Variants in SYT13 observed in about 807,000 individuals in gnomAD.
SYT13 encodes the protein synaptotagmin 13.
A neutral mutation model predicts 38.6 loss-of-function variants in SYT13; 21 were observed. The ratio of observed to expected loss-of-function variants is 0.54; its 90% confidence interval spans 0.39 to 0.78. SYT13 has a LOEUF of 0.78. Ranked by LOEUF, SYT13 falls within the 30% of genes least tolerant of loss-of-function variation. The pLI is 0.00. For synonymous variants in SYT13, 241 were observed against 237.6 expected (o/e 1.01, Z -0.13); for missense variants, 495 against 548.7 (o/e 0.90, Z 0.98).
At chr11:45,270,530 T>C (rs1854937156) in intron 1 of SYT13, among the ~76,000 whole-genome samples, 1 of 152,210 alleles carries the variant, frequency 6.6e-6, no homozygotes, top group African/African-American at 2.4e-5. Context: ...CAATATATTA[T>C]AAATAATAAA....
chr11:45,261,549 G>T (rs1854816047), intron 1 of SYT13, among the ~76,000 whole-genome samples: 1 of 151,800 alleles, frequency 6.6e-6, no homozygotes, highest in Non-Finnish European at 1.5e-5. Flanking sequence ...AGTGAGCTGA[G>T]ATCGCGCCAC....
intron 1 of SYT13, among the ~76,000 whole-genome samples, chr11:45,274,789 A>T (rs1230998393): frequency 2.6e-5 from 4 of 152,180 alleles, no homozygotes; most frequent in Non-Finnish European, 5.9e-5. Flanking sequence ...ATCCTGCCTC[A>T]ATAAACCTAC....
chr11:45,262,103 T>C (rs562783000), intron 1 of SYT13, among the ~76,000 whole-genome samples: 10 of 152,212 alleles, frequency 6.6e-5, no homozygotes, highest in Admixed American at 2.6e-4. Flanking sequence ...AAACAAAATG[T>C]GGTATATCTA....
intron 1 of SYT13, chr11:45,269,489 C>T: frequency 7.8e-7 from 1 of 1,287,182 alleles, no homozygotes; most frequent in Non-Finnish European, 1.0e-6. Flanking sequence ...CCTCTGTAAA[C>T]TTCATATGTA....
chr11:45,273,125 A>T (rs1195989806), intron 1 of SYT13, among the ~76,000 whole-genome samples: 6 of 152,172 alleles, frequency 3.9e-5, no homozygotes, highest in African/African-American at 7.2e-5. Flanking sequence ...TTACAAATGT[A>T]TGGAGGGTTA....
chr11:45,284,155 C>A (rs780277772), intron 1 of SYT13, among the ~76,000 whole-genome samples: 1 of 152,192 alleles, frequency 6.6e-6, no homozygotes, highest in Admixed American at 6.5e-5. Context: ...GCCAAGACTG[C>A]TGATGAAGAA....
chr11:45,284,554 C>T (rs1482209538), intron 1 of SYT13, among the ~76,000 whole-genome samples: 1 of 152,046 alleles, frequency 6.6e-6, no homozygotes, highest in Non-Finnish European at 1.5e-5. Context: ...GATGATCAGC[C>T]GTTCTGTGGG....
chr11:45,269,858 C>T (rs1329695668), intron 1 of SYT13, among the ~76,000 whole-genome samples: 1 of 152,212 alleles, frequency 6.6e-6, no homozygotes, highest in Non-Finnish European at 1.5e-5. Context: ...GCAGGTGTCA[C>T]ATCATTAGAT....
chr11:45,265,037 C>A (rs1378758172), intron 1 of SYT13, among the ~76,000 whole-genome samples: 1 of 152,250 alleles, frequency 6.6e-6, no homozygotes, highest in Non-Finnish European at 1.5e-5. Context: ...AAGACTTAGA[C>A]ATGGCTACTG....
At chr11:45,271,839 A>G (rs1075778) in intron 1 of SYT13, among the ~76,000 whole-genome samples, 45,286 of 152,000 alleles carry the variant, frequency 0.3, 6,926 homozygotes, top group South Asian at 0.4. Flanking sequence ...CTCAAGAAAA[A>G]TACACTTCAA....
intron 1 of SYT13, among the ~76,000 whole-genome samples, chr11:45,265,617 T>C (rs1414070489): frequency 6.6e-6 from 1 of 152,170 alleles, no homozygotes; most frequent in Non-Finnish European, 1.5e-5. Context: ...TGTTGCATCC[T>C]CACATGGTTG....
chr11:45,261,540 G>A (rs548700841), intron 1 of SYT13, among the ~76,000 whole-genome samples: 2 of 152,062 alleles, frequency 1.3e-5, no homozygotes, highest in Admixed American at 6.5e-5. Context: ...GGAGGTTGCA[G>A]TGAGCTGAGA....
At chr11:45,276,221 G>T (rs935630856) in intron 1 of SYT13, among the ~76,000 whole-genome samples, 1 of 152,136 alleles carries the variant, frequency 6.6e-6, no homozygotes, top group Non-Finnish European at 1.5e-5. Context: ...AGAATATGTG[G>T]CACATATACA....
In SYT13 at chr11:45,250,394, G is replaced by A. The variant is rs564737239; in HGVS notation, c.846+2027C>T. ...TGGCACATGGTAGAAACTGGGCAAG[G>A]TATTTGCAGAATGAATGAATGAGTG... On this transcript the variant is annotated intron_variant, in intron 4 of 5. Coordinates refer to ENST00000020926, the MANE Select transcript of SYT13 (RefSeq NM_020826.3). Among the ~76,000 whole-genome samples, 2 of 152,228 alleles carry A rather than the reference G, an allele frequency of 1.3e-5. 1 individual carries two copies. The highest frequency in any genetic ancestry group is 4.1e-4 in the South Asian group (2 of 4,828).
chr11:45,240,968 CAA>C lies in SYT13; in HGVS notation c.*3082_*3083del, dbSNP rs1227666154. ...GTTTCTGGTACAAGGTAAGCTGATG[CAA>C]AGACTACTGAAATATTTTTATTTGG... On this transcript the variant is annotated 3_prime_UTR_variant, in exon 6 of 6. Transcript: ENST00000020926. 6.6e-6 allele frequency: 1 copy of C among 152,202 alleles called. No homozygotes were observed. Among genetic ancestry groups the C allele is most frequent in the Non-Finnish European group, 1.5e-5 (1 of 68,036 alleles). The allele number at this position is 152,202 out of a possible 1,614,324, so 9.4% of individuals were successfully genotyped here.
rs536228894 is a variant in SYT13 at position 45,265,308 on chromosome 11, C to T, written c.184-9417G>A. ...GCCAGGGACAATTTGGCCGCTCAGG[C>T]GACATTTGCAGTGTCTGGAGACATT... On this transcript the variant is annotated intron_variant, in intron 1 of 5. Coordinates refer to ENST00000020926, the MANE Select transcript of SYT13 (RefSeq NM_020826.3). 1.1e-3 allele frequency among the ~76,000 whole-genome samples: 173 copies of T among 152,306 alleles called. 1 individual carries two copies. The highest frequency in any genetic ancestry group is 3.7e-3 in the African/African-American group (153 of 41,564).
At chr11:45,265,488 G>A (rs775346562) in intron 1 of SYT13, among the ~76,000 whole-genome samples, 8 of 152,178 alleles carry the variant, frequency 5.3e-5, no homozygotes, top group Non-Finnish European at 1.2e-4. Flanking sequence ...CGTAAACTGG[G>A]TAGCTTCGAC....
chr11:45,279,877 A>T (rs1342129213), intron 1 of SYT13, among the ~76,000 whole-genome samples: 1 of 152,136 alleles, frequency 6.6e-6, no homozygotes, highest in Non-Finnish European at 1.5e-5. Context: ...GCGTCCTATC[A>T]TCATTAAGGT....
In SYT13 at chr11:45,246,470, A is replaced by G; in HGVS notation, c.889T>C (p.Tyr297His). 1.2e-6 allele frequency: 2 copies of G among 1,614,164 alleles called. No homozygotes were observed. Among genetic ancestry groups the G allele is most frequent in the Non-Finnish European group, 1.7e-6 (2 of 1,180,024 alleles). The change falls in exon 5 of 6, where the codon TAC becomes CAC. Residue 297 changes from tyrosine (Y) to histidine (H), a missense_variant. Transcript: ENST00000020926. The part of the protein sequence containing the change: ...GAGEVLLSIS[Y>H]LPAANRLLVV... ...AGGAGGCGGTTGGCAGCCGGGAGGTAGCTGATGGATAGTAGGACCTCTCCA... is the reference window on the plus strand; with the variant it reads ...AGGAGGCGGTTGGCAGCCGGGAGGTGGCTGATGGATAGTAGGACCTCTCCA...
Sources: gnomAD v4.1 joint callset for allele counts (sites outside exome capture counted in the v4.1 genomes callset) on GRCh38, gnomAD v4.1.1 for gene constraint, MANE v1.5 for transcripts, NCBI Gene and HGNC (gene_info 2026-07-23, HGNC 2026-07-21) for gene names.